The following LSM7 variants were observed in gnomAD, a reference collection of about 807,000 sequenced individuals.
LSM7 encodes U6 snRNA-associated Sm-like protein LSm7.
LSM7 carries 13 observed loss-of-function variants against 14.1 expected under a neutral mutation model. The observed-to-expected ratio is 0.92, with a 90% CI of 0.60 to 1.47. LSM7 has a LOEUF of 1.47. LSM7 is among the 40% of genes most tolerant of loss of function. The pLI is 0.00. For missense variants in LSM7, 108 were observed against 140.8 expected, an observed-to-expected ratio of 0.77 and a Z score of 1.18; for synonymous variants, 70 against 57.1, an observed-to-expected ratio of 1.23 and a Z score of -1.02.
chr19:2,322,957 ATCC>A (rs1180125398), intron 3 of LSM7, among the ~76,000 whole-genome samples: 1 of 150,896 alleles, frequency 6.6e-6, no homozygotes, highest in Non-Finnish European at 1.5e-5. Flanking sequence ...GGCTCGAGTG[ATCC>A]TCCTGTCTTG....
chr19:2,328,545 T>G lies in LSM7; in HGVS notation c.6+16A>C. The G allele has an allele frequency of 6.3e-7, 1 of 1,599,708 alleles. No individual in the cohort carries two copies. The highest frequency in any genetic ancestry group is 8.5e-7 in the Non-Finnish European group (1 of 1,174,122). On this transcript the variant is annotated intron_variant, in intron 1 of 3. Transcript: ENST00000252622. The stretch of plus-strand genomic sequence containing the variant: ...AGCTCCACGCCCCCCGGCTCCAGAT[T>G]CCGCCGCGCGCTCACCGCCATCTTG...
At chr19:2,325,434 G>A (rs1239801503) in intron 2 of LSM7, among the ~76,000 whole-genome samples, 1 of 152,078 alleles carries the variant, frequency 6.6e-6, no homozygotes, top group Non-Finnish European at 1.5e-5. Context: ...TCATCTTTCA[G>A]GTGCTTCCTC....
chr19:2,327,502 A>T (rs934063273), intron 2 of LSM7, among the ~76,000 whole-genome samples: 1 of 151,812 alleles, frequency 6.6e-6, no homozygotes, highest in Non-Finnish European at 1.5e-5. Context: ...CGGCCTCCCA[A>T]AGTGTCAAGA....
intron 3 of LSM7, among the ~76,000 whole-genome samples, chr19:2,322,522 CAG>C (rs1473778326): frequency 6.6e-6 from 1 of 152,128 alleles, no homozygotes; most frequent in Non-Finnish European, 1.5e-5. Context: ...GCCTGGGTGA[CAG>C]AGCGAGATTC....
At position 2,323,101 on chromosome 19, in the gene LSM7, C is replaced by T. The variant is rs192431673; in HGVS notation, c.169+1024G>A. ...TAAGTCCTGACATTCCCCCAGTGCC[C>T]GGGCCGGGATGGGGACTTGCCAGCT... On this transcript the variant is annotated intron_variant, in intron 3 of 3. Transcript: ENST00000252622. Among the ~76,000 whole-genome samples the T allele has an allele frequency of 1.1e-4, 17 of 152,282 alleles. No individual in the cohort carries two copies. The South Asian group carries it at 1.2e-3, about 11-fold the overall frequency.
chr19:2,326,309 T>TG (rs1491148596), intron 2 of LSM7, among the ~76,000 whole-genome samples: 9 of 133,152 alleles, frequency 6.8e-5, no homozygotes, highest in Admixed American at 6.1e-4. Flanking sequence ...CCCTTTCTGC[T>TG]TTTTGTGTGT....
At chr19:2,326,320 G>GTGTT (rs1462317350) in intron 2 of LSM7, among the ~76,000 whole-genome samples, 1 of 97,768 alleles carries the variant, frequency 1.0e-5, no homozygotes, top group East Asian at 3.4e-4. Flanking sequence ...TTTTGTGTGT[G>GTGTT]TGTGTGTGTG....
chr19:2,326,052 G>A (rs760286350), intron 2 of LSM7: 2 of 152,278 alleles, frequency 1.3e-5, no homozygotes, highest in African/African-American at 2.4e-5. Flanking sequence ...CCCTCCTCAC[G>A]GGGAGAGATG....
intron 2 of LSM7, among the ~76,000 whole-genome samples, chr19:2,326,357 T>TGTGTGTGTGTGTGTG (rs59241132): frequency 4.7e-5 from 7 of 150,266 alleles, no homozygotes; most frequent in South Asian, 2.1e-4. Flanking sequence ...TGTGTGTGTG[T>TGTGTGTGTGTGTGTG]TTGAGATGGA....
At chr19:2,324,224 A>C in intron 2 of LSM7, 28 bp from the exon 3 acceptor site, 5 of 1,544,956 alleles carry the variant, frequency 3.2e-6, no homozygotes, top group Non-Finnish European at 4.4e-6. Context: ...GGGAGAGAAA[A>C]GAGAAGGCAT....
At chr19:2,324,094 C>CGCTGCCTG (rs1311865453) in intron 3 of LSM7, 31 bp downstream of exon 3, 5 of 1,527,368 alleles carry the variant, frequency 3.3e-6, no homozygotes, top group Non-Finnish European at 4.4e-6. Flanking sequence ...CCCCTCGTCC[C>CGCTGCCTG]GCTGCCTGCC....
At chr19:2,324,248 G>A (rs1470195040) in intron 2 of LSM7, 52 bp from the exon 3 acceptor site, 11 of 1,429,062 alleles carry the variant, frequency 7.7e-6, no homozygotes, top group East Asian at 2.5e-5. Context: ...ATCCGTCCTG[G>A]GCGCAGGGCC....
chr19:2,328,514 G>T, intron 1 of LSM7, 37 bp from the exon 2 acceptor site: 2 of 1,610,710 alleles, frequency 1.2e-6, no homozygotes, highest in South Asian at 2.2e-5. Flanking sequence ...CCTGGAGCGC[G>T]GCCCGAGCTC....
At chr19:2,322,853 G>A (rs573370289) in intron 3 of LSM7, among the ~76,000 whole-genome samples, 4 of 152,114 alleles carry the variant, frequency 2.6e-5, no homozygotes, top group Non-Finnish European at 4.4e-5. Flanking sequence ...TGGGGCCACA[G>A]GCACATGTAC....
Position 2,321,686 on chromosome 19 carries a change from G to C in LSM7, c.306C>G (p.Asp102Glu). 1 of 1,540,832 alleles carries C rather than the reference G, an allele frequency of 6.5e-7. No homozygotes were observed. Among genetic ancestry groups the C allele is most frequent in the African/African-American group, 1.4e-5 (1 of 72,718 alleles). Reference protein sequence around the residue: ...AIPNPFIQQQDA With the variant: ...AIPNPFIQQQEA The stretch of plus-strand genomic sequence containing the variant: ...CCCCGCGCCCCCGGCCAGGCTAGGC[G>C]TCCTGCTGCTGGATGAAGGGGTTGG... Residue 102 changes from aspartate (D) to glutamate (E), a missense_variant, in exon 4 of 4, where the codon GAC becomes GAG. Transcript: ENST00000252622. This position sits in a 1 kb window ranked among gnomAD's most constrained non-coding sequence, Gnocchi z 5.0.
rs1967933568 is a variant in LSM7, at chr19:2,321,567, A to G, written c.*113T>C. The G allele has an allele frequency of 5.1e-6, 6 of 1,185,122 alleles. No homozygotes were observed. Among genetic ancestry groups the G allele is most frequent in the African/African-American group, 3.2e-5 (2 of 62,376 alleles). 73.4% of individuals were successfully genotyped at this position (1,185,122 alleles called of 1,614,324 possible). ...AGAAAACAAAAATTCAACCTATACA[A>G]AAAGGAAAATGCTTCCGTTCCAGGA... is the stretch of plus-strand genomic sequence containing the variant. On this transcript the variant is annotated 3_prime_UTR_variant, in exon 4 of 4. Coordinates refer to ENST00000252622, the MANE Select transcript of LSM7 (RefSeq NM_016199.3). This position sits in a 1 kb window ranked among gnomAD's most constrained non-coding sequence, Gnocchi z 5.0.
Position 2,324,720 on chromosome 19 carries a change from G to A in LSM7, c.98-524C>T, listed in dbSNP as rs12610041. 16 of 162,440 alleles carry A rather than the reference G, an allele frequency of 9.8e-5. No individual in the cohort carries two copies. In the East Asian group the frequency reaches 2.3e-3, roughly 23 times the overall value. The allele number at this position is 162,440 out of a possible 1,614,324, so 10.1% of individuals were successfully genotyped here. On this transcript the variant is annotated intron_variant, in intron 2 of 3. Transcript: ENST00000252622. ...GAGCGAGGCTGGCGCAGGCCACAGC[G>A]CGGATGCGCCTGAGGACGCACCTGA...
intron 2 of LSM7, among the ~76,000 whole-genome samples, chr19:2,327,492 C>T (rs922720627): frequency 2.0e-5 from 3 of 152,106 alleles, no homozygotes; most frequent in Non-Finnish European, 4.4e-5. Context: ...CTGCCTGCCT[C>T]GGCCTCCCAA....
At chr19:2,323,910 A>C (rs1967973433) in intron 3 of LSM7, among the ~76,000 whole-genome samples, 1 of 152,118 alleles carries the variant, frequency 6.6e-6, no homozygotes. Flanking sequence ...CTGCTTTGTG[A>C]GGACGTCTAG....
Sources: gnomAD v4.1 joint callset for allele counts (sites outside exome capture counted in the v4.1 genomes callset) on GRCh38, gnomAD v4.1.1 for gene constraint, Gnocchi (gnomAD v3.1) non-coding constraint, MANE v1.5 for transcripts, NCBI Gene and HGNC (gene_info 2026-07-23, HGNC 2026-07-21) for gene names.